Variants in RABGEF1 observed in about 807,000 individuals in gnomAD.
The protein encoded by RABGEF1 is rab5 GDP/GTP exchange factor.
A neutral mutation model predicts 57.3 loss-of-function variants in RABGEF1; 26 were observed. The observed-to-expected ratio is 0.45, with a 90% CI of 0.33 to 0.63. RABGEF1 has a LOEUF of 0.63. Among genes scored for constraint, RABGEF1 ranks in the 20% least tolerant of loss-of-function variants. The pLI is 0.02. For missense variants in RABGEF1, 464 were observed against 607.6 expected (o/e 0.76, Z 2.48); for synonymous variants, 185 against 210.7 (o/e 0.88, Z 1.06).
the RABGEF1 span, among the ~76,000 whole-genome samples, chr7:66,655,299 G>A: frequency 6.6e-6 from 1 of 152,180 alleles, no homozygotes; most frequent in Non-Finnish European, 1.5e-5. Flanking sequence ...GGCAGTTTAG[G>A]GAGAGAGAGG....
intron 1 of RABGEF1, among the ~76,000 whole-genome samples, chr7:66,754,470 A>G (rs1028065964): frequency 6.6e-5 from 10 of 151,504 alleles, no homozygotes; most frequent in Non-Finnish European, 1.3e-4. Context: ...TAGCCCAGGC[A>G]TGGGGGCTTA....
intron 4 of RABGEF1, among the ~76,000 whole-genome samples, chr7:66,795,059 G>T (rs889471543): frequency 6.6e-6 from 1 of 152,212 alleles, no homozygotes; most frequent in African/African-American, 2.4e-5. Flanking sequence ...GCCCACCGGG[G>T]TGGAGTTTTG....
At chr7:66,660,589 C>G in the RABGEF1 span, among the ~76,000 whole-genome samples, 1 of 149,582 alleles carries the variant, frequency 6.7e-6, no homozygotes, top group African/African-American at 2.5e-5. Context: ...TCGGAGTGCA[C>G]TCCATTGCAC....
rs780247365 is a variant in RABGEF1 at position 66,809,076 on chromosome 7, G to A, written c.1268G>A (p.Arg423Gln). The change falls in exon 9 of 9, where the codon CGA becomes CAA. Residue 423 changes from arginine (R) to glutamine (Q), a missense_variant. Arg to Gln is a conservative substitution (Grantham distance 43). Transcript: ENST00000284957. Reference protein sequence around the residue: ...NLDLLSQLNERQERIMNEAKK... With the variant: ...NLDLLSQLNEQQERIMNEAKK... The stretch of plus-strand genomic sequence containing the variant: ...GATCTCTTGTCTCAGTTGAATGAAC[G>A]ACAAGAAAGGATCATGAATGAAGCC... The A allele has an allele frequency of 5.6e-6, 9 of 1,613,974 alleles. No individual in the cohort carries two copies. Among genetic ancestry groups the A allele is most frequent in the East Asian group, 2.2e-5 (1 of 44,888 alleles).
At chr7:66,693,522 C>A (rs949179070) in intron 1 of RABGEF1, among the ~76,000 whole-genome samples, 2 of 152,082 alleles carry the variant, frequency 1.3e-5, no homozygotes, top group African/African-American at 2.4e-5. Context: ...CCTGACTACT[C>A]CTCCTCCCCT....
At chr7:66,775,195 C>G (rs748505479) in intron 2 of RABGEF1, 32 bp from the exon 3 acceptor site, 2 of 1,586,394 alleles carry the variant, frequency 1.3e-6, no homozygotes, top group Non-Finnish European at 1.7e-6. Context: ...TGGAGAATAT[C>G]TAGGTCATTC....
At chr7:66,782,465 CTTTT>C (rs199988808) in intron 3 of RABGEF1, among the ~76,000 whole-genome samples, 1 of 139,498 alleles carries the variant, frequency 7.2e-6, no homozygotes, top group Non-Finnish European at 1.6e-5. Flanking sequence ...ACATACCTTA[CTTTT>C]TTTTTTTTTT....
At chr7:66,770,658 G>GT (rs1195045659) in intron 1 of RABGEF1, among the ~76,000 whole-genome samples, 13 of 151,972 alleles carry the variant, frequency 8.6e-5, no homozygotes, top group Non-Finnish European at 1.9e-4. Context: ...TAGTTGTTGT[G>GT]TTTTTTGTAG....
the RABGEF1 span, chr7:66,669,918 C>T: frequency 6.6e-6 from 1 of 152,226 alleles, no homozygotes; most frequent in Non-Finnish European, 1.5e-5. Flanking sequence ...CCCCACTTCC[C>T]TCTGTTCTCG....
chr7:66,797,299 T>G (rs202182255), intron 5 of RABGEF1, 75 bp from the exon 6 acceptor site: 2 of 738,692 alleles, frequency 2.7e-6, no homozygotes, highest in Admixed American at 6.1e-5. Flanking sequence ...GCCAGACTCT[T>G]TGTTTGCAAA....
At chr7:66,727,068 T>C (rs1796668424) in intron 2 of RABGEF1, among the ~76,000 whole-genome samples, 1 of 152,218 alleles carries the variant, frequency 6.6e-6, no homozygotes, top group South Asian at 2.1e-4. Context: ...GTGAATATAC[T>C]AAAAACCACT....
intron 1 of RABGEF1, among the ~76,000 whole-genome samples, chr7:66,697,734 A>C (rs552099612): frequency 1.8e-3 from 280 of 152,228 alleles, no homozygotes; most frequent in Middle Eastern, 0.014. Context: ...GGGGGTGTTC[A>C]TGTTTGAAGT....
the RABGEF1 span, among the ~76,000 whole-genome samples, chr7:66,664,761 G>A: frequency 2.0e-5 from 3 of 152,326 alleles, no homozygotes; most frequent in East Asian, 1.9e-4. Context: ...GTGCGCCGGC[G>A]GCTGCCGCTT....
chr7:66,772,950 G>A (rs1161843071), intron 2 of RABGEF1, among the ~76,000 whole-genome samples: 1 of 151,648 alleles, frequency 6.6e-6, no homozygotes, highest in Non-Finnish European at 1.5e-5. Flanking sequence ...ATGATGGGAT[G>A]GCTAGTGAGC....
intron 2 of RABGEF1, among the ~76,000 whole-genome samples, chr7:66,727,826 A>C (rs114986629): frequency 6.6e-6 from 1 of 152,200 alleles, no homozygotes; most frequent in Non-Finnish European, 1.5e-5. Flanking sequence ...TGTTAACAAT[A>C]GGAGAGGCAT....
the RABGEF1 span, among the ~76,000 whole-genome samples, chr7:66,658,451 T>G: frequency 6.7e-6 from 1 of 149,986 alleles, no homozygotes; most frequent in South Asian, 2.1e-4. Flanking sequence ...GAGAATCACT[T>G]GAACTGGGAG....
chr7:66,689,354 G>GA (rs1791181300), intron 1 of RABGEF1, among the ~76,000 whole-genome samples: 1 of 151,730 alleles, frequency 6.6e-6, no homozygotes, highest in South Asian at 2.1e-4. Flanking sequence ...AAATCAGAAT[G>GA]AAAATGAGGA....
At chr7:66,738,409 C>T (rs1281156110), upstream of RABGEF1, among the ~76,000 whole-genome samples, 1 of 152,132 alleles carries the variant, frequency 6.6e-6, no homozygotes, top group Non-Finnish European at 1.5e-5. Context: ...GTCTTTAGCA[C>T]CAACCTCTTC....
At chr7:66,753,800 G>A (rs1465737190) in intron 1 of RABGEF1, among the ~76,000 whole-genome samples, 3 of 138,114 alleles carry the variant, frequency 2.2e-5, no homozygotes, top group African/African-American at 5.4e-5. Flanking sequence ...TCTGCCTCCC[G>A]GGTTCAAGCA....
Sources: allele counts gnomAD v4.1 joint callset (sites outside exome capture counted in the v4.1 genomes callset), GRCh38; gene constraint gnomAD v4.1.1; transcripts MANE v1.5; gene names NCBI Gene and HGNC (gene_info 2026-07-23, HGNC 2026-07-21).